IGSF10: variants seen among roughly 807,000 people sequenced by gnomAD.
IGSF10 encodes calvaria mechanical force protein 608.
A neutral mutation model predicts 128.2 loss-of-function variants in IGSF10; 126 were observed. The observed-to-expected ratio is 0.98, with a 90% CI of 0.85 to 1.14. The LOEUF is 1.14. Among genes scored for constraint, IGSF10 ranks in the 50% most tolerant of loss-of-function variants. The pLI is 0.00. For missense variants in IGSF10, 3,295 were observed against 3,149.8 expected, an observed-to-expected ratio of 1.05 and a Z score of -1.10; for synonymous variants, 1,185 against 1,146.2, an observed-to-expected ratio of 1.03 and a Z score of -0.68.
At chr3:151,480,365 GC>G in the IGSF10 span, among the ~76,000 whole-genome samples, 1 of 152,128 alleles carries the variant, frequency 6.6e-6, no homozygotes, top group Non-Finnish European at 1.5e-5. Flanking sequence ...AAAAAGGTAA[GC>G]AATAGGATCC....
the IGSF10 span, among the ~76,000 whole-genome samples, chr3:151,529,389 T>C: frequency 6.6e-6 from 1 of 152,214 alleles, no homozygotes; most frequent in Admixed American, 6.5e-5. Flanking sequence ...AGTGGGTTGC[T>C]GACCCCTGTA....
chr3:151,558,534 A>C, the IGSF10 span, among the ~76,000 whole-genome samples: 1 of 145,584 alleles, frequency 6.9e-6, no homozygotes, highest in Non-Finnish European at 1.5e-5. Context: ...TTTTTTTTTG[A>C]GACCGAGTCT....
chr3:151,452,662 G>A (rs1420483042), intron 5 of IGSF10, among the ~76,000 whole-genome samples: 2 of 152,078 alleles, frequency 1.3e-5, no homozygotes, highest in Non-Finnish European at 2.9e-5. Context: ...ATACATATAT[G>A]TAAGTTTGGG....
the IGSF10 span, among the ~76,000 whole-genome samples, chr3:151,602,326 G>C: frequency 6.6e-6 from 1 of 151,826 alleles, no homozygotes; most frequent in East Asian, 1.9e-4. Flanking sequence ...TCATGCTCAC[G>C]CAAAATTTGG....
chr3:151,527,308 G>T, the IGSF10 span, among the ~76,000 whole-genome samples: 1 of 152,146 alleles, frequency 6.6e-6, no homozygotes, highest in African/African-American at 2.4e-5. Flanking sequence ...GCTTCATGCT[G>T]GTTCCATTCT....
the IGSF10 span, among the ~76,000 whole-genome samples, chr3:151,586,796 T>C: frequency 6.6e-6 from 1 of 152,150 alleles, no homozygotes; most frequent in African/African-American, 2.4e-5. Context: ...TCCTTGTTCT[T>C]TAAAGTCAAC....
chr3:151,512,040 C>T, the IGSF10 span, among the ~76,000 whole-genome samples: 1 of 152,136 alleles, frequency 6.6e-6, no homozygotes, highest in Non-Finnish European at 1.5e-5. Flanking sequence ...CCACTGTCAA[C>T]ATTAGACAGA....
chr3:151,515,521 A>G, the IGSF10 span, among the ~76,000 whole-genome samples: 2 of 150,644 alleles, frequency 1.3e-5, no homozygotes, highest in Non-Finnish European at 3.0e-5. Context: ...CTAATGCTAA[A>G]TGACGAGTTA....
chr3:151,467,247 C>T, the IGSF10 span, among the ~76,000 whole-genome samples: 4 of 152,142 alleles, frequency 2.6e-5, no homozygotes, highest in Non-Finnish European at 5.9e-5. Flanking sequence ...TACCCTTTCA[C>T]CCTGAAGATG....
chr3:151,437,134 C>G lies in IGSF10; in HGVS notation c.7427G>C (p.Arg2476Thr). 1 of 1,614,158 alleles carries G rather than the reference C, an allele frequency of 6.2e-7. No individual in the cohort carries two copies. Among genetic ancestry groups the G allele is most frequent in the Non-Finnish European group, 8.5e-7 (1 of 1,180,008 alleles). ...WTMPSGYVVD[R>T]PQINGKYILH... is the part of the protein sequence containing the mutation. ...TATGTATTTCCCATTAATTTGAGGC[C>G]TGTCTACTACATAACCACTTGGCAT... Residue 2476 changes from arginine (R) to threonine (T), a missense_variant, in exon 8 of 8, where the codon AGG becomes ACG. Transcript: ENST00000282466.
chr3:151,583,906 T>C, the IGSF10 span, among the ~76,000 whole-genome samples: 29 of 152,326 alleles, frequency 1.9e-4, 1 homozygote, highest in Admixed American at 1.1e-3. Flanking sequence ...TTTGTAAATG[T>C]ACACTTGTCA....
chr3:151,460,925 A>C, intron 1 of IGSF10, 21 bp downstream of exon 1: 1 of 985,138 alleles, frequency 1.0e-6, no homozygotes, highest in Non-Finnish European at 1.2e-6. Flanking sequence ...TTTCCGGGGA[A>C]GGATTGGCCG....
rs1167758632 is a variant in IGSF10 at position 151,446,172 on chromosome 3, G to A, written c.3809C>T (p.Ala1270Val). Residue 1270 changes from alanine (A) to valine (V), a missense_variant, in exon 6 of 8, where the codon GCT becomes GTT. Physicochemically the swap from Ala to Val is moderately conservative, Grantham distance 64 (BLOSUM62 0). Transcript: ENST00000282466. ...GTGTGTTTTGGTCGTAGTGTGGTGAGCGGTAGTCAAGGTATTAGATGGAAT... is the reference window on the plus strand; with the variant it reads ...GTGTGTTTTGGTCGTAGTGTGGTGAACGGTAGTCAAGGTATTAGATGGAAT... ...MQIPSNTLTT[A>V]HHTTTKTHNP... 2.5e-6 allele frequency: 4 copies of A among 1,614,022 alleles called. No individual in the cohort carries two copies. Among genetic ancestry groups the A allele is most frequent in the South Asian group, 1.1e-5 (1 of 91,056 alleles).
chr3:151,515,452 C>T, the IGSF10 span, among the ~76,000 whole-genome samples: 1 of 119,996 alleles, frequency 8.3e-6, no homozygotes, highest in Non-Finnish European at 1.6e-5. Context: ...GGGAACATCA[C>T]ACACTGGGGA....
chr3:151,458,518 T>A lies in IGSF10; in HGVS notation c.192A>T (p.Leu64Phe), dbSNP rs1721907262. 2 of 1,611,798 alleles carry A rather than the reference T, an allele frequency of 1.2e-6. No homozygotes were observed. The change falls in exon 3 of 8, where the codon TTA becomes TTT. Residue 64 changes from leucine to phenylalanine, a missense_variant and splice_region_variant. Transcript: ENST00000282466. ...SIPPNVERIN[L>F]GYNSLVRLME... The stretch of plus-strand genomic sequence containing the variant: ...AGGAAACATGAGGTCTCACACACCC[T>A]AAATTGATGCGTTCCACATTGGGCG...
At chr3:151,544,094 A>C in the IGSF10 span, among the ~76,000 whole-genome samples, 1 of 152,262 alleles carries the variant, frequency 6.6e-6, no homozygotes, top group African/African-American at 2.4e-5. Flanking sequence ...TTTTTAGTAG[A>C]GAAGGGGTTT....
rs779354982 is a variant in IGSF10 at position 151,448,981 on chromosome 3, T to C, written c.1000A>G (p.Ile334Val). 3.1e-6 allele frequency: 5 copies of C among 1,614,252 alleles called. No homozygotes were observed. The Admixed American group carries it at 8.3e-5, about 27-fold the overall frequency. ...SGNEANMVCS[I>V]QKPSRTSPIA... ...GGTGATGTCCTTGAGGGCTTTTGAA[T>C]ACTGCAGACCATGTTAGCTTCATTT... The change falls in exon 6 of 8, where the codon ATT (isoleucine) becomes GTT (valine). Residue 334 changes from isoleucine to valine, a missense_variant. Transcript: ENST00000282466.
At chr3:151,484,378 C>CA in the IGSF10 span, among the ~76,000 whole-genome samples, 1 of 152,182 alleles carries the variant, frequency 6.6e-6, no homozygotes, top group Admixed American at 6.5e-5. Context: ...GGCACAGCTT[C>CA]AGCAGATTTA....
chr3:151,554,958 T>A, the IGSF10 span, among the ~76,000 whole-genome samples: 1 of 152,156 alleles, frequency 6.6e-6, no homozygotes, highest in Non-Finnish European at 1.5e-5. Context: ...AGCACTACAT[T>A]GTGGTAATAA....
Sources: gnomAD v4.1 joint callset for allele counts (sites outside exome capture counted in the v4.1 genomes callset) on GRCh38, gnomAD v4.1.1 for gene constraint, MANE v1.5 for transcripts, NCBI Gene and HGNC (gene_info 2026-07-23, HGNC 2026-07-21) for gene names.